Variants in EPHA3 observed in about 807,000 individuals in gnomAD.
EPHA3 encodes the protein EPH receptor A3, also known as ephrin type-A receptor 3.
A neutral mutation model predicts 107.1 loss-of-function variants in EPHA3; 42 were observed. That is an observed-to-expected ratio of 0.39 (90% CI 0.31 to 0.51). The LOEUF is 0.51. EPHA3 is among the 20% of genes least tolerant of loss of function. The pLI, the probability that EPHA3 is intolerant of heterozygous loss-of-function variation, is 0.78. For missense variants in EPHA3, 1,183 were observed against 1,211.2 expected, an observed-to-expected ratio of 0.98 and a Z score of 0.35; for synonymous variants, 461 against 424.8, an observed-to-expected ratio of 1.09 and a Z score of -1.05.
At chr3:89,231,689 G>T (rs571210424) in intron 3 of EPHA3, among the ~76,000 whole-genome samples, 71 of 152,144 alleles carry the variant, frequency 4.7e-4, no homozygotes, top group African/African-American at 1.7e-3. Flanking sequence ...ACTTTAGAAG[G>T]GAAAAAATAA....
intron 3 of EPHA3, among the ~76,000 whole-genome samples, chr3:89,215,331 C>T (rs990433856): frequency 6.6e-6 from 1 of 151,764 alleles, no homozygotes; most frequent in African/African-American, 2.4e-5. Context: ...AAAGTAAAAA[C>T]TTATTTTTTA....
chr3:89,249,263 A>T (rs575693787), intron 3 of EPHA3, among the ~76,000 whole-genome samples: 1 of 152,284 alleles, frequency 6.6e-6, no homozygotes, highest in South Asian at 2.1e-4. Context: ...CACATGGGAT[A>T]TGAGTGGTCC....
At chr3:89,433,729 A>G (rs1261554086) in intron 13 of EPHA3, among the ~76,000 whole-genome samples, 1 of 152,174 alleles carries the variant, frequency 6.6e-6, no homozygotes, top group Non-Finnish European at 1.5e-5. Context: ...CAAATTTCTT[A>G]TCTTGTAGCT....
At chr3:89,337,461 A>G (rs1707420093) in intron 3 of EPHA3, among the ~76,000 whole-genome samples, 1 of 152,256 alleles carries the variant, frequency 6.6e-6, no homozygotes, top group Admixed American at 6.5e-5. Context: ...ATAAGATTTA[A>G]TTGAGATGGT....
intron 2 of EPHA3, among the ~76,000 whole-genome samples, chr3:89,140,863 C>G (rs1382844851): frequency 6.6e-6 from 1 of 151,686 alleles, no homozygotes; most frequent in Non-Finnish European, 1.5e-5. Flanking sequence ...TTAGCTCCTG[C>G]TGTGTACTAG....
rs77757386 is a variant in EPHA3 at position 89,208,855 on chromosome 3, A to T, written c.154-1005A>T. On this transcript the variant is annotated intron_variant, in intron 2 of 16. Transcript: ENST00000336596. ...TTTTGCGTAAGTAACAGAGATCCCTAGAAAACTTTACATTCAAGAATGGCA... is the reference window on the plus strand; with the variant it reads ...TTTTGCGTAAGTAACAGAGATCCCTTGAAAACTTTACATTCAAGAATGGCA... 6.7e-3 allele frequency among the ~76,000 whole-genome samples: 1,017 copies of T among 152,344 alleles called. 8 individuals carry two copies. Among genetic ancestry groups the T allele is most frequent in the African/African-American group, 0.02 (843 of 41,580 alleles).
At chr3:89,181,186 A>G (rs187409626) in intron 2 of EPHA3, among the ~76,000 whole-genome samples, 227 of 152,036 alleles carry the variant, frequency 1.5e-3, no homozygotes, top group Middle Eastern at 6.8e-3. Flanking sequence ...CTTTTTGAGC[A>G]TTTCAGTGAA....
intron 7 of EPHA3, chr3:89,399,921 T>A: frequency 1.9e-6 from 2 of 1,056,008 alleles, no homozygotes; most frequent in Non-Finnish European, 2.3e-6. Flanking sequence ...ACAGAGAGAA[T>A]AAGGATTTTC....
At chr3:89,398,967 TA>T (rs1344663370) in intron 6 of EPHA3, among the ~76,000 whole-genome samples, 2 of 152,002 alleles carry the variant, frequency 1.3e-5, no homozygotes, top group African/African-American at 4.8e-5. Flanking sequence ...TCGTCTCTAC[TA>T]AAAATACAAA....
chr3:89,304,670 C>G (rs1050344387), intron 3 of EPHA3, among the ~76,000 whole-genome samples: 2 of 152,000 alleles, frequency 1.3e-5, no homozygotes, highest in African/African-American at 4.8e-5. Context: ...CTTTATCTTC[C>G]CAGTGTATTT....
intron 6 of EPHA3, among the ~76,000 whole-genome samples, chr3:89,396,612 A>G (rs1270180318): frequency 6.6e-6 from 1 of 152,174 alleles, no homozygotes; most frequent in Non-Finnish European, 1.5e-5. Context: ...CGAGTATTCC[A>G]TCATTCTAAA....
At chr3:89,168,645 A>G (rs1705134778) in intron 2 of EPHA3, among the ~76,000 whole-genome samples, 1 of 152,060 alleles carries the variant, frequency 6.6e-6, no homozygotes, top group African/African-American at 2.4e-5. Context: ...AAGAAAAATA[A>G]TACAGATAAT....
intron 1 of EPHA3, among the ~76,000 whole-genome samples, chr3:89,109,041 G>GT (rs1292350667): frequency 6.6e-6 from 1 of 152,066 alleles, no homozygotes; most frequent in Non-Finnish European, 1.5e-5. Context: ...TACTTAGAAA[G>GT]TTTTTTATTA....
chr3:89,391,420 TC>T lies in EPHA3; in HGVS notation c.1307-4416del, dbSNP rs1559677790. 6.3e-4 allele frequency among the ~76,000 whole-genome samples: 90 copies of T among 143,602 alleles called. 2 individuals carry two copies. The highest frequency in any genetic ancestry group is 2.4e-3 in the African/African-American group (88 of 36,340). 94.2% of individuals were successfully genotyped at this position (143,602 alleles called of 152,430 possible). A position where few individuals can be genotyped will look rare whatever the true frequency, so the allele number is the denominator to read the frequency against. The stretch of plus-strand genomic sequence containing the variant: ...TTCTTTTCTTTTCTTTTCTTTCTTT[TC>T]TTTTTTTTTTTTTTTTTGAGATGGA... On this transcript the variant is annotated intron_variant, in intron 5 of 16. Coordinates refer to ENST00000336596, the MANE Select transcript of EPHA3 (RefSeq NM_005233.6).
chr3:89,397,121 T>C (rs1708865958), intron 6 of EPHA3, among the ~76,000 whole-genome samples: 1 of 152,226 alleles, frequency 6.6e-6, no homozygotes, highest in Admixed American at 6.5e-5. Flanking sequence ...TGTAGTTATT[T>C]CCTTGCTTGA....
At chr3:89,333,888 A>T (rs1400342411) in intron 3 of EPHA3, among the ~76,000 whole-genome samples, 7 of 152,156 alleles carry the variant, frequency 4.6e-5, no homozygotes, top group South Asian at 4.1e-4. Flanking sequence ...AAAGAAAAAA[A>T]AAAATAAAAA....
chr3:89,351,556 A>T (rs1707820268), intron 5 of EPHA3, among the ~76,000 whole-genome samples: 1 of 150,696 alleles, frequency 6.6e-6, no homozygotes, highest in Non-Finnish European at 1.5e-5. Flanking sequence ...CTCAGATGGA[A>T]ATGCAGAAAT....
rs182794181 is a variant in EPHA3, at chr3:89,388,045, C to A, written c.1307-7792C>A. Among the ~76,000 whole-genome samples, 931 of 152,152 alleles carry A rather than the reference C, an allele frequency of 6.1e-3. 9 individuals are homozygous for A. Among genetic ancestry groups the A allele is most frequent in the Middle Eastern group, 0.017 (5 of 292 alleles). On this transcript the variant is annotated intron_variant, in intron 5 of 16. Transcript: ENST00000336596. Reference sequence around the variant, plus strand: ...ATTATGTCTTAGAATATTTTTCTCCCAGCACAATTAATTCTATTGAGAAAA... The same window carrying A: ...ATTATGTCTTAGAATATTTTTCTCCAAGCACAATTAATTCTATTGAGAAAA...
chr3:89,199,521 TA>T (rs1368234530), intron 2 of EPHA3, among the ~76,000 whole-genome samples: 27 of 8,544 alleles, frequency 3.2e-3, no homozygotes, highest in Non-Finnish European at 9.8e-3. Flanking sequence ...TAGCATAACA[TA>T]TATCTGTTTC....
Sources: allele counts gnomAD v4.1 joint callset (sites outside exome capture counted in the v4.1 genomes callset), GRCh38; gene constraint gnomAD v4.1.1; transcripts MANE v1.5; gene names NCBI Gene and HGNC (gene_info 2026-07-23, HGNC 2026-07-21).